The following NUMB variants were observed in gnomAD, a reference collection of about 807,000 sequenced individuals.
NUMB encodes protein numb homolog.
NUMB carries 29 observed loss-of-function variants against 59.7 expected under a neutral mutation model. The ratio of observed to expected loss-of-function variants is 0.49; its 90% CI spans 0.36 to 0.66. NUMB has a LOEUF of 0.66. NUMB is among the 30% of genes least tolerant of loss of function. The pLI, the probability that NUMB is intolerant of heterozygous loss-of-function variation, is 0.00. For missense variants in NUMB, 723 were observed against 822.0 expected (o/e 0.88, Z 1.47); for synonymous variants, 288 against 288.2 (o/e 1.00, Z 0.01).
intron 2 of NUMB, among the ~76,000 whole-genome samples, chr14:73,389,547 C>T (rs903330490): frequency 3.9e-5 from 6 of 152,050 alleles, no homozygotes; most frequent in Non-Finnish European, 7.4e-5. Context: ...TGATCTTGAT[C>T]TCCTGACCTT....
intron 1 of NUMB, among the ~76,000 whole-genome samples, chr14:73,441,460 C>T (rs1161575709): frequency 6.6e-6 from 1 of 152,036 alleles, no homozygotes; most frequent in African/African-American, 2.4e-5. Context: ...TAGCTTGAAC[C>T]CAGGAGGGAG....
chr14:73,400,174 A>G (rs1387604847), intron 2 of NUMB, among the ~76,000 whole-genome samples: 2 of 152,244 alleles, frequency 1.3e-5, no homozygotes, highest in East Asian at 3.8e-4. Context: ...CCAATCTGAA[A>G]AGGCTACATA....
intron 2 of NUMB, among the ~76,000 whole-genome samples, chr14:73,374,410 T>C (rs1474834129): frequency 6.6e-6 from 1 of 152,166 alleles, no homozygotes; most frequent in Non-Finnish European, 1.5e-5. Flanking sequence ...GCCAACCCTG[T>C]GTCTACAGGT....
chr14:73,278,094 G>A (rs1260257503), intron 12 of NUMB, among the ~76,000 whole-genome samples: 1 of 147,938 alleles, frequency 6.8e-6, no homozygotes, highest in African/African-American at 2.5e-5. Flanking sequence ...TCCTCTAAAG[G>A]GCCCAAGGCA....
At chr14:73,307,233 C>G (rs887824295) in intron 6 of NUMB, among the ~76,000 whole-genome samples, 1 of 151,688 alleles carries the variant, frequency 6.6e-6, no homozygotes, top group African/African-American at 2.4e-5. Flanking sequence ...GGCATGAACC[C>G]GGGAGGCGGA....
intron 2 of NUMB, among the ~76,000 whole-genome samples, chr14:73,383,314 T>A (rs116338015): frequency 1.7e-3 from 255 of 152,144 alleles, no homozygotes; most frequent in African/African-American, 6.0e-3. Context: ...AAAAGTTAAA[T>A]TGAAAATCGA....
intron 5 of NUMB, among the ~76,000 whole-genome samples, chr14:73,317,182 A>C (rs1891129990): frequency 1.3e-5 from 2 of 152,266 alleles, no homozygotes; most frequent in Admixed American, 1.3e-4. Flanking sequence ...ATGTTTATAC[A>C]AGAGCTGAGA....
chr14:73,364,265 G>A (rs994070952), intron 3 of NUMB, among the ~76,000 whole-genome samples: 21 of 151,998 alleles, frequency 1.4e-4, no homozygotes, highest in African/African-American at 4.8e-4. Flanking sequence ...TGAGGTGGGC[G>A]GATAACTTGA....
intron 2 of NUMB, among the ~76,000 whole-genome samples, chr14:73,367,342 TATATATAG>T (rs1215962580): frequency 6.4e-5 from 5 of 78,598 alleles, no homozygotes; most frequent in South Asian, 3.4e-4. Context: ...TATATATATA[TATATATAG>T]AGAGAGAGAG....
chr14:73,361,413 T>C (rs1894090027), intron 3 of NUMB, among the ~76,000 whole-genome samples: 2 of 152,218 alleles, frequency 1.3e-5, no homozygotes, highest in South Asian at 4.1e-4. Flanking sequence ...TGTGCTATGA[T>C]TATACATAGA....
chr14:73,299,165 A>G (rs1475729483), intron 6 of NUMB: 1 of 152,196 alleles, frequency 6.6e-6, no homozygotes, highest in Non-Finnish European at 1.5e-5. Context: ...GGCTCTATAA[A>G]TATTTCAGTA....
At chr14:73,287,808 T>C (rs1385078841) in intron 8 of NUMB, among the ~76,000 whole-genome samples, 1 of 152,252 alleles carries the variant, frequency 6.6e-6, no homozygotes, top group Non-Finnish European at 1.5e-5. Context: ...CAATTCACTG[T>C]TACAAGCCTT....
At chr14:73,294,628 A>G (rs945969874) in intron 7 of NUMB, among the ~76,000 whole-genome samples, 10 of 150,168 alleles carry the variant, frequency 6.7e-5, no homozygotes, top group African/African-American at 2.5e-4. Context: ...AGTGACTCTC[A>G]TGCCTCAGCC....
At chr14:73,294,268 C>T (rs1054120444) in intron 7 of NUMB, among the ~76,000 whole-genome samples, 3 of 152,050 alleles carry the variant, frequency 2.0e-5, no homozygotes, top group Non-Finnish European at 2.9e-5. Flanking sequence ...AGTGCAGTGG[C>T]GCAATCACTG....
intron 1 of NUMB, among the ~76,000 whole-genome samples, chr14:73,433,937 T>C (rs537330589): frequency 3.9e-5 from 6 of 152,054 alleles, no homozygotes; most frequent in African/African-American, 1.2e-4. Context: ...CTACTAAAAA[T>C]ACAAAATTAG....
At position 73,277,101 on chromosome 14, in the gene NUMB, G is replaced by A; in HGVS notation, c.1433C>T (p.Pro478Leu). 7 of 1,614,138 alleles carry A rather than the reference G, an allele frequency of 4.3e-6. No individual in the cohort carries two copies. The highest frequency in any genetic ancestry group is 5.9e-6 in the Non-Finnish European group (7 of 1,180,038). The stretch of plus-strand genomic sequence containing the variant: ...TGCATTCCCTTGGAAAGGTGATGCT[G>A]GCTGGGAGATGGCAGTGGGTGGAGG... ...QPPPPTAISQPASPFQGNAFL... is the reference protein window; with the variant it reads ...QPPPPTAISQLASPFQGNAFL... Residue 478 changes from proline (P) to leucine (L), a missense_variant, in exon 13 of 13, where the codon CCA (proline) becomes CTA (leucine). Pro to Leu is a moderately conservative substitution (Grantham distance 98). Transcript: ENST00000555238.
At chr14:73,452,561 GA>G (rs1197458860) in intron 1 of NUMB, among the ~76,000 whole-genome samples, 1 of 152,162 alleles carries the variant, frequency 6.6e-6, no homozygotes, top group Non-Finnish European at 1.5e-5. Context: ...CAAGTGGGGA[GA>G]AACAGGGTTT....
At chr14:73,372,174 A>G (rs1894704338) in intron 2 of NUMB, among the ~76,000 whole-genome samples, 1 of 151,410 alleles carries the variant, frequency 6.6e-6, no homozygotes, top group Admixed American at 6.6e-5. Flanking sequence ...TGGAGGGTGC[A>G]GTGACCCAAG....
In NUMB at chr14:73,444,165, C is replaced by CA. The variant is rs540385411; in HGVS notation, c.-233+14327dup. The stretch of plus-strand genomic sequence containing the variant: ...CTGTAAACCCAACACTTTGGGAGGC[C>CA]AAGGCTGGTGGATCACGACATCAGG... On this transcript the variant is annotated intron_variant, in intron 1 of 12. Transcript: ENST00000555238. Among the ~76,000 whole-genome samples the CA allele has an allele frequency of 3.3e-3, 495 of 152,242 alleles. 1 individual carries two copies. The highest frequency in any genetic ancestry group is 6.8e-3 in the Middle Eastern group (2 of 294).
Sources: gnomAD v4.1 joint callset for allele counts (sites outside exome capture counted in the v4.1 genomes callset) on GRCh38, gnomAD v4.1.1 for gene constraint, MANE v1.5 for transcripts, NCBI Gene and HGNC (gene_info 2026-07-23, HGNC 2026-07-21) for gene names.